PPHLN1: variants seen among roughly 807,000 people sequenced by gnomAD.
PPHLN1 encodes the protein periphilin-1.
PPHLN1 carries 29 observed loss-of-function variants against 51.3 expected under a neutral mutation model. That is an observed-to-expected ratio of 0.57 (90% CI 0.42 to 0.77). PPHLN1 has a LOEUF of 0.77. Among genes scored for constraint, PPHLN1 ranks in the 30% least tolerant of loss-of-function variants. PPHLN1 has a pLI of 0.00. For synonymous variants in PPHLN1, 147 were observed against 147.8 expected, an observed-to-expected ratio of 0.99 and a Z score of 0.04; for missense variants, 436 against 438.4, an observed-to-expected ratio of 0.99 and a Z score of 0.05.
chr12:42,423,257 A>G (rs1265623214), intron 9 of PPHLN1, among the ~76,000 whole-genome samples: 2 of 152,168 alleles, frequency 1.3e-5, no homozygotes, highest in East Asian at 1.9e-4. Flanking sequence ...ATGGACTTCC[A>G]TTTATATATA....
downstream of PPHLN1, chr12:42,442,958 G>A: frequency 1.6e-6 from 1 of 610,304 alleles, no homozygotes; most frequent in Non-Finnish European, 2.6e-6. Context: ...AAGAAGGCAC[G>A]CTGGACCTAG....
At chr12:42,406,080 A>C (rs2079267682) in intron 9 of PPHLN1, among the ~76,000 whole-genome samples, 1 of 135,878 alleles carries the variant, frequency 7.4e-6, no homozygotes, top group African/African-American at 2.5e-5. Flanking sequence ...ATTATAGTTT[A>C]GTCTGGTTTT....
rs955642898 is a variant in PPHLN1 at position 42,412,674 on chromosome 12, T to A, written c.909+13680T>A. Among the ~76,000 whole-genome samples the A allele has an allele frequency of 9.2e-5, 14 of 152,216 alleles. 1 individual carries two copies. Among genetic ancestry groups the A allele is most frequent in the African/African-American group, 3.4e-4 (14 of 41,450 alleles). On this transcript the variant is annotated intron_variant, in intron 9 of 9. Transcript: ENST00000358314. ...TAGGATTGCTGGATTGGATGGTAGA[T>A]CTACTTTTAATTCTTTAAATCTCCA...
chr12:42,424,400 C>T (rs1207767322), intron 9 of PPHLN1, among the ~76,000 whole-genome samples: 2 of 152,222 alleles, frequency 1.3e-5, no homozygotes, highest in Admixed American at 6.5e-5. Flanking sequence ...CTTCCCTTGC[C>T]TCCTTTCCCC....
At chr12:42,387,821 C>A (rs1328412021) in intron 7 of PPHLN1, among the ~76,000 whole-genome samples, 1 of 152,180 alleles carries the variant, frequency 6.6e-6, no homozygotes. Flanking sequence ...TTGCTTTGCC[C>A]TGAGATGCTG....
In PPHLN1 at chr12:42,387,359, A is replaced by G. The variant is rs1367240279; in HGVS notation, c.569-97A>G. The G allele has an allele frequency of 5.3e-6, 7 of 1,315,010 alleles. No individual in the cohort carries two copies. The African/African-American group carries it at 9.1e-5, about 17-fold the overall frequency. The allele number at this position is 1,315,010 out of a possible 1,614,324, so 81.5% of individuals were successfully genotyped here. A position where few individuals can be genotyped will look rare whatever the true frequency, so the allele number is the denominator to read the frequency against. On this transcript the variant is annotated intron_variant, in intron 6 of 9. Transcript: ENST00000358314. Reference sequence around the variant, plus strand: ...TGTAATGAAAAGTTTTAGTACTAAAATAAGTGTATGACCCCCACATTAATT... The same window carrying G: ...TGTAATGAAAAGTTTTAGTACTAAAGTAAGTGTATGACCCCCACATTAATT...
chr12:42,396,613 T>TCCAAAAAAAAA (rs2078218920), intron 8 of PPHLN1, among the ~76,000 whole-genome samples: 1 of 23,114 alleles, frequency 4.3e-5, no homozygotes, highest in East Asian at 2.0e-3. Context: ...GTCTTGTCAC[T>TCCAAAAAAAAA]ACAAAAAAAA....
rs73122498 is a variant in PPHLN1, at chr12:42,395,470, C to G, written c.768+1781C>G. 6.1e-3 allele frequency among the ~76,000 whole-genome samples: 927 copies of G among 152,030 alleles called. 5 individuals carry two copies. Among genetic ancestry groups the G allele is most frequent in the Middle Eastern group, 0.027 (8 of 292 alleles). ...TGAGATAATTTTTGTAAACTTAGTC[C>G]CATATCATATTAATATTTTTCTCTT... On this transcript the variant is annotated intron_variant, in intron 8 of 9. Transcript: ENST00000358314.
At chr12:42,444,000 C>T (rs908360890), downstream of PPHLN1, 1 of 152,044 alleles carries the variant, frequency 6.6e-6, no homozygotes, top group South Asian at 2.1e-4. Flanking sequence ...GGCTTTGCTC[C>T]CCAGGAGAAA....
downstream of PPHLN1, chr12:42,442,890 C>G (rs758551057): frequency 1.2e-5 from 16 of 1,283,870 alleles, no homozygotes; most frequent in South Asian, 2.2e-4. Context: ...CTCGGTTTCG[C>G]AGGCTCAATT....
chr12:42,391,189 G>C (rs2077673000), intron 7 of PPHLN1, among the ~76,000 whole-genome samples: 1 of 152,062 alleles, frequency 6.6e-6, no homozygotes, highest in South Asian at 2.1e-4. Flanking sequence ...CAAATGATAG[G>C]TTTTCGAATG....
At chr12:42,446,115 G>C, downstream of PPHLN1, 2 of 1,559,012 alleles carry the variant, frequency 1.3e-6, no homozygotes, top group Non-Finnish European at 1.7e-6. Flanking sequence ...CGGAAGAAAC[G>C]GGTTCGTCGG....
intron 8 of PPHLN1, among the ~76,000 whole-genome samples, chr12:42,395,757 G>A (rs2139229133): frequency 6.6e-6 from 1 of 152,158 alleles, no homozygotes. Context: ...TTTTATATGA[G>A]CCTTTTAAGT....
At chr12:42,445,253 AT>A, downstream of PPHLN1, 1 of 601,688 alleles carries the variant, frequency 1.7e-6, no homozygotes, top group Middle Eastern at 3.3e-4. Flanking sequence ...AAGCCACCCA[AT>A]CACATCAATT....
intron 5 of PPHLN1, 117 bp from the exon 6 acceptor site, chr12:42,384,823 C>T (rs1446967441): frequency 1.1e-6 from 1 of 918,740 alleles, no homozygotes; most frequent in African/African-American, 1.7e-5. Context: ...GAGTTTAGGG[C>T]CACCAGAAAA....
intron 2 of PPHLN1, among the ~76,000 whole-genome samples, chr12:42,350,904 G>C (rs368774200): frequency 6.6e-6 from 1 of 152,000 alleles, no homozygotes; most frequent in East Asian, 1.9e-4. Flanking sequence ...GCAGTGAGCC[G>C]AGATCGCGGC....
chr12:42,445,441 T>C (rs1341152443), downstream of PPHLN1: 2 of 295,574 alleles, frequency 6.8e-6, no homozygotes, highest in African/African-American at 4.4e-5. Flanking sequence ...GTTACACATG[T>C]CCCTGAATTT....
intron 2 of PPHLN1, among the ~76,000 whole-genome samples, chr12:42,338,193 C>T (rs1177552788): frequency 6.6e-6 from 1 of 152,196 alleles, no homozygotes; most frequent in Non-Finnish European, 1.5e-5. Flanking sequence ...TCTCAAAGTG[C>T]TGGGATTACA....
intron 6 of PPHLN1, among the ~76,000 whole-genome samples, chr12:42,385,858 C>T (rs1157804674): frequency 6.6e-6 from 1 of 152,142 alleles, no homozygotes; most frequent in Non-Finnish European, 1.5e-5. Flanking sequence ...CTTCTGGGAG[C>T]TTTTGGTGTA....
Sources: allele counts gnomAD v4.1 joint callset (sites outside exome capture counted in the v4.1 genomes callset), GRCh38; gene constraint gnomAD v4.1.1; transcripts MANE v1.5; gene names NCBI Gene and HGNC (gene_info 2026-07-23, HGNC 2026-07-21).